Variants in ZBTB8A observed in about 807,000 individuals in gnomAD.
ZBTB8A encodes the protein zinc finger and BTB domain-containing protein 8A.
Under a neutral mutation model 37.8 loss-of-function variants are expected in ZBTB8A, and 19 were observed. The observed-to-expected ratio is 0.50, with a 90% confidence interval of 0.35 to 0.74. The LOEUF (loss-of-function observed/expected upper bound fraction) is 0.74. Ranked by LOEUF, ZBTB8A falls within the 30% of genes least tolerant of loss-of-function variation. The probability of loss-of-function intolerance (pLI) is 0.01; values close to 1 mark genes in which losing one functional copy is unlikely to be tolerated. For synonymous variants in ZBTB8A, 181 were observed against 185.2 expected (o/e 0.98, Z 0.19); for missense variants, 394 against 537.8 (o/e 0.73, Z 2.65).
intron 1 of ZBTB8A, among the ~76,000 whole-genome samples, chr1:32,552,698 G>A (rs1453132964): frequency 6.6e-6 from 1 of 151,430 alleles, no homozygotes; most frequent in Non-Finnish European, 1.5e-5. Context: ...AAAAAGGATT[G>A]CTTTTGATTT....
chr1:32,584,499 T>C (rs1644430987), intron 2 of ZBTB8A, among the ~76,000 whole-genome samples: 1 of 147,216 alleles, frequency 6.8e-6, no homozygotes, highest in East Asian at 2.0e-4. Context: ...TTTTTTTCTT[T>C]CTTTCTTTCT....
Position 32,580,644 on chromosome 1 carries a change from G to A in ZBTB8A, c.-1-12287G>A, listed in dbSNP as rs368927097. 3.3e-4 allele frequency among the ~76,000 whole-genome samples: 50 copies of A among 152,174 alleles called. No individual in the cohort carries two copies. In the South Asian group the frequency reaches 9.1e-3, roughly 28 times the overall value. The stretch of plus-strand genomic sequence containing the variant: ...TGATGGAGATACAAATTGATATAGT[G>A]TTTTCGGAAGGCCGTTTGTCAGTAC... On this transcript the variant is annotated intron_variant, in intron 2 of 4. Coordinates refer to ENST00000373510, the MANE Select transcript of ZBTB8A (RefSeq NM_001040441.3).
intron 2 of ZBTB8A, among the ~76,000 whole-genome samples, chr1:32,560,492 T>C (rs116119939): frequency 2.7e-3 from 412 of 152,194 alleles, no homozygotes; most frequent in African/African-American, 8.9e-3. Flanking sequence ...CTTTTCTTTA[T>C]AAATTACCCA....
chr1:32,558,450 C>CAA (rs1644219845), intron 2 of ZBTB8A, among the ~76,000 whole-genome samples: 1 of 151,398 alleles, frequency 6.6e-6, no homozygotes, highest in African/African-American at 2.4e-5. Flanking sequence ...CACACACACA[C>CAA]ACACACACAC....
intron 2 of ZBTB8A, among the ~76,000 whole-genome samples, chr1:32,581,950 C>A (rs975574251): frequency 1.3e-5 from 2 of 152,088 alleles, no homozygotes; most frequent in Non-Finnish European, 2.9e-5. Context: ...TCCTATCATT[C>A]AGTTACCTCC....
chr1:32,579,059 G>A (rs1433475948), intron 2 of ZBTB8A, among the ~76,000 whole-genome samples: 2 of 152,112 alleles, frequency 1.3e-5, no homozygotes, highest in Non-Finnish European at 2.9e-5. Context: ...TGTTGTGTTA[G>A]GTTAGTCGTA....
At chr1:32,592,712 G>A (rs1644499511) in intron 2 of ZBTB8A, among the ~76,000 whole-genome samples, 1 of 152,002 alleles carries the variant, frequency 6.6e-6, no homozygotes, top group Non-Finnish European at 1.5e-5. Flanking sequence ...TCGCCATGTT[G>A]TCCAGGCTGG....
intron 2 of ZBTB8A, among the ~76,000 whole-genome samples, chr1:32,569,682 G>A (rs1163202405): frequency 6.6e-6 from 1 of 151,630 alleles, no homozygotes; most frequent in South Asian, 2.1e-4. Flanking sequence ...ATGAGCCACC[G>A]CTCCCGGCCA....
chr1:32,568,608 G>T (rs879589674), intron 2 of ZBTB8A, among the ~76,000 whole-genome samples: 2 of 151,964 alleles, frequency 1.3e-5, no homozygotes, highest in African/African-American at 4.8e-5. Flanking sequence ...GGATGGTCTC[G>T]ATCTCCTAAC....
rs867881746 is a variant in ZBTB8A at position 32,554,625 on chromosome 1, C to T, written c.-2+1085C>T. Among the ~76,000 whole-genome samples, 89 of 151,928 alleles carry T rather than the reference C, an allele frequency of 5.9e-4. 1 individual carries two copies. The highest frequency in any genetic ancestry group is 2.0e-3 in the African/African-American group (84 of 41,464). ...TCCAGAGTAACTGGGATTACAGGCA[C>T]CTGCCACCAAGCCTGGCTAATTTAT... is the stretch of plus-strand genomic sequence containing the variant. On this transcript the variant is annotated intron_variant, in intron 2 of 4. Coordinates refer to ENST00000373510, the MANE Select transcript of ZBTB8A (RefSeq NM_001040441.3).
rs1163966586 is a variant in ZBTB8A at position 32,562,584 on chromosome 1, T to C, written c.-2+9044T>C. ...CCGCGTCCGGCTTTTTTTTTTTTTT[T>C]TTTTTTTGATGAGACGAGTCTTCGC... On this transcript the variant is annotated intron_variant, in intron 2 of 4. Transcript: ENST00000373510. Among the ~76,000 whole-genome samples the C allele has an allele frequency of 8.9e-5, 13 of 146,778 alleles. No homozygotes were observed. In the East Asian group the frequency reaches 2.6e-3, roughly 29 times the overall value.
intron 2 of ZBTB8A, among the ~76,000 whole-genome samples, chr1:32,580,310 C>T (rs1644393461): frequency 6.6e-6 from 1 of 152,066 alleles, no homozygotes; most frequent in African/African-American, 2.4e-5. Flanking sequence ...ATAATCCCAG[C>T]ACTTTGGGAG....
chr1:32,571,529 G>A (rs1644322494), intron 2 of ZBTB8A, among the ~76,000 whole-genome samples: 1 of 151,906 alleles, frequency 6.6e-6, no homozygotes, highest in Admixed American at 6.6e-5. Context: ...GTATTCCAGC[G>A]ATAAACCTCA....
rs747268832 is a variant in ZBTB8A at position 32,593,218 on chromosome 1, T to C, written c.287T>C (p.Ile96Thr). The C allele has an allele frequency of 6.2e-7, 1 of 1,614,212 alleles. No homozygotes were observed. The highest frequency in any genetic ancestry group is 8.5e-7 in the Non-Finnish European group (1 of 1,180,040). Residue 96 changes from isoleucine to threonine, a missense_variant, in exon 3 of 5, where the codon ATA becomes ACA. This residue lies in a region of ZBTB8A where 96 missense variants were observed against 165.6 expected (regional missense o/e 0.58). Coordinates refer to ENST00000373510, the MANE Select transcript of ZBTB8A (RefSeq NM_001040441.3). ...CTGTCTCTTACTGGTCAGAATGTCA[T>C]AGAAGTGATGTCGGCTGCTAGCTTC... ...GKLSLTGQNVIEVMSAASFLQ... is the reference protein window; with the variant it reads ...GKLSLTGQNVTEVMSAASFLQ...
intron 2 of ZBTB8A, among the ~76,000 whole-genome samples, chr1:32,557,755 C>T (rs755191950): frequency 4.6e-5 from 7 of 152,092 alleles, no homozygotes; most frequent in South Asian, 2.1e-4. Context: ...TAAGCCACCG[C>T]GCCTGGTCCA....
At position 32,601,987 on chromosome 1, in the gene ZBTB8A, A is replaced by G. The variant is rs558344780; in HGVS notation, c.*1568A>G. On this transcript the variant is annotated 3_prime_UTR_variant, in exon 5 of 5. Transcript: ENST00000373510. ...TTGAACATTTTTGCTTCTCTTGTTT[A>G]TATAATATTTTCAAAACAAACTTTT... 8.5e-5 allele frequency: 20 copies of G among 235,652 alleles called. No homozygotes were observed. Among genetic ancestry groups the G allele is most frequent in the African/African-American group, 2.7e-4 (12 of 44,786 alleles). 14.6% of individuals were successfully genotyped at this position (235,652 alleles called of 1,614,324 possible).
At chr1:32,568,979 T>TA (rs1315104314) in intron 2 of ZBTB8A, among the ~76,000 whole-genome samples, 1 of 152,222 alleles carries the variant, frequency 6.6e-6, no homozygotes, top group Non-Finnish European at 1.5e-5. Context: ...CTTGTATAAA[T>TA]ACCTAGGAGT....
chr1:32,544,058 C>T (rs1026557955), intron 1 of ZBTB8A, among the ~76,000 whole-genome samples: 2 of 152,218 alleles, frequency 1.3e-5, no homozygotes, highest in Non-Finnish European at 2.9e-5. Flanking sequence ...CATCCTTGAC[C>T]TCCTGGGCTC....
intron 1 of ZBTB8A, among the ~76,000 whole-genome samples, chr1:32,552,918 A>G (rs1342257693): frequency 1.4e-5 from 2 of 146,382 alleles, no homozygotes; most frequent in Admixed American, 1.4e-4. Context: ...TTTAAATCAT[A>G]TATTACATAT....
Sources: gnomAD v4.1 joint callset for allele counts (sites outside exome capture counted in the v4.1 genomes callset) on GRCh38, gnomAD v4.1.1 for gene constraint, gnomAD v4.1.1 regional missense constraint, MANE v1.5 for transcripts, NCBI Gene and HGNC (gene_info 2026-07-23, HGNC 2026-07-21) for gene names.